LEPR: variants seen among roughly 807,000 people sequenced by gnomAD.
LEPR encodes leptin receptor, also known as OB receptor.
A neutral mutation model predicts 114.7 loss-of-function variants in LEPR; 56 were observed. That is an observed-to-expected ratio of 0.49 (90% CI 0.39 to 0.61). The LOEUF (loss-of-function observed/expected upper bound fraction) is 0.61. Ranked by LOEUF, LEPR falls within the 20% of genes least tolerant of loss-of-function variation. The probability of loss-of-function intolerance (pLI) is 0.00; values close to 1 mark genes in which losing one functional copy is unlikely to be tolerated. For missense variants in LEPR, 1,202 were observed against 1,352.9 expected, an observed-to-expected ratio of 0.89 and a Z score of 1.75; for synonymous variants, 443 against 461.4, an observed-to-expected ratio of 0.96 and a Z score of 0.51.
rs148894127 is a variant in LEPR at position 65,456,207 on chromosome 1, G to T, written c.-21+30829G>T. Among the ~76,000 whole-genome samples the T allele has an allele frequency of 5.4e-3, 819 of 152,092 alleles. 12 individuals carry two copies. The highest frequency in any genetic ancestry group is 0.019 in the African/African-American group (790 of 41,490). On this transcript the variant is annotated intron_variant, in intron 2 of 19. Transcript: ENST00000349533. ...TGGCACTCCCTAGTGAGATGAACCT[G>T]GTACCTCAGATGGAAATGCAGAAAT...
chr1:65,450,749 G>C (rs1356760340), intron 2 of LEPR, among the ~76,000 whole-genome samples: 9 of 150,128 alleles, frequency 6.0e-5, no homozygotes, highest in Non-Finnish European at 1.2e-4. Flanking sequence ...GTGTGCATGT[G>C]TCTTTATAGC....
intron 2 of LEPR, among the ~76,000 whole-genome samples, chr1:65,512,806 A>G (rs967292177): frequency 7.2e-5 from 11 of 152,226 alleles, no homozygotes; most frequent in Admixed American, 6.5e-4. Context: ...CTGAGTTTCT[A>G]TCATCTAGTA....
intron 2 of LEPR, among the ~76,000 whole-genome samples, chr1:65,455,156 G>A (rs935878447): frequency 3.5e-4 from 53 of 152,174 alleles, no homozygotes; most frequent in African/African-American, 1.2e-3. Flanking sequence ...GCACTTCTCT[G>A]TATTGGTTAT....
chr1:65,525,553 G>T (rs1267805562), intron 2 of LEPR: 26 of 876,488 alleles, frequency 3.0e-5, no homozygotes, highest in Non-Finnish European at 3.6e-5. Context: ...GCTCAGGGGC[G>T]GCTGCGGAGG....
intron 2 of LEPR, among the ~76,000 whole-genome samples, chr1:65,473,870 G>A (rs1004112504): frequency 2.0e-5 from 3 of 152,140 alleles, no homozygotes; most frequent in African/African-American, 7.2e-5. Context: ...TAGAATGTTA[G>A]CTATAATTAT....
chr1:65,574,021 A>G (rs1011322876), intron 5 of LEPR, among the ~76,000 whole-genome samples: 1 of 152,148 alleles, frequency 6.6e-6, no homozygotes, highest in Non-Finnish European at 1.5e-5. Context: ...AGCAGTTGGG[A>G]CCTGTATGTA....
intron 5 of LEPR, among the ~76,000 whole-genome samples, chr1:65,588,556 A>G (rs1468723929): frequency 6.6e-6 from 1 of 151,930 alleles, no homozygotes; most frequent in Non-Finnish European, 1.5e-5. Flanking sequence ...CTCCTTTGTA[A>G]TCCCACCCTC....
At chr1:65,621,892 G>A (rs1657907387) in intron 18 of LEPR, among the ~76,000 whole-genome samples, 1 of 152,074 alleles carries the variant, frequency 6.6e-6, no homozygotes, top group Admixed American at 6.5e-5. Flanking sequence ...GTTATCTTGG[G>A]GCTGACATCT....
At chr1:65,509,879 A>C (rs1395934734) in intron 2 of LEPR, among the ~76,000 whole-genome samples, 3 of 152,234 alleles carry the variant, frequency 2.0e-5, no homozygotes, top group Admixed American at 2.0e-4. Flanking sequence ...TAGCTTGGTC[A>C]TAAAGAGGAG....
chr1:65,629,448 A>G, intron 19 of LEPR: 1 of 365,294 alleles, frequency 2.7e-6, no homozygotes, highest in Non-Finnish European at 5.3e-6. Context: ...GACTTACTGA[A>G]CCAAGTATTT....
rs147041548 is a variant in LEPR at position 65,449,947 on chromosome 1, T to C, written c.-21+24569T>C. On this transcript the variant is annotated intron_variant, in intron 2 of 19. Transcript: ENST00000349533. ...ACTGTATCCCACAAATTTTGAAAAG[T>C]CATGCTTTTATTTTCATTTAGTTAA... Among the ~76,000 whole-genome samples, 762 of 152,262 alleles carry C rather than the reference T, an allele frequency of 5.0e-3. 8 individuals are homozygous for C. Among genetic ancestry groups the C allele is most frequent in the African/African-American group, 0.018 (734 of 41,566 alleles).
chr1:65,518,957 CTTT>C (rs1479185253), intron 2 of LEPR, among the ~76,000 whole-genome samples: 17 of 134,178 alleles, frequency 1.3e-4, no homozygotes, highest in African/African-American at 4.7e-4. Context: ...CTTCTTTCTT[CTTT>C]TTCTTTTCTT....
chr1:65,422,124 C>T, intron 1 of LEPR, among the ~76,000 whole-genome samples: 1 of 152,036 alleles, frequency 6.6e-6, no homozygotes, highest in Non-Finnish European at 1.5e-5. Context: ...TTCCCTGGTA[C>T]CTGTGAATGT....
chr1:65,568,826 A>C (rs957265354), intron 3 of LEPR, among the ~76,000 whole-genome samples: 20 of 152,118 alleles, frequency 1.3e-4, no homozygotes, highest in Admixed American at 7.2e-4. Flanking sequence ...CTGCATCCTC[A>C]CCAACATCTA....
chr1:65,453,246 A>C (rs970057856), intron 2 of LEPR, among the ~76,000 whole-genome samples: 41 of 151,858 alleles, frequency 2.7e-4, no homozygotes, highest in African/African-American at 8.2e-4. Context: ...GGATTCATTA[A>C]TTTTTTGAAG....
intron 1 of LEPR, chr1:65,421,243 A>G (rs1007879156): frequency 4.3e-6 from 6 of 1,383,620 alleles, no homozygotes; most frequent in Admixed American, 2.8e-5. Context: ...GCACCCAGAA[A>G]GACGGTGTTT....
intron 2 of LEPR, among the ~76,000 whole-genome samples, chr1:65,491,160 C>A (rs1209660096): frequency 6.6e-6 from 1 of 152,074 alleles, no homozygotes; most frequent in Non-Finnish European, 1.5e-5. Context: ...CTTACTACAC[C>A]CTAACAAAGT....
At chr1:65,543,524 T>C (rs1016162046) in intron 2 of LEPR, among the ~76,000 whole-genome samples, 2 of 152,086 alleles carry the variant, frequency 1.3e-5, no homozygotes, top group African/African-American at 4.8e-5. Context: ...TTTGATGTTT[T>C]AGTCATGAAG....
chr1:65,588,372 T>C (rs1655462618), intron 5 of LEPR, among the ~76,000 whole-genome samples: 1 of 151,908 alleles, frequency 6.6e-6, no homozygotes, highest in Non-Finnish European at 1.5e-5. Flanking sequence ...CTTACAAAAA[T>C]TTCCTGGATT....
Sources: gnomAD v4.1 joint callset for allele counts (sites outside exome capture counted in the v4.1 genomes callset) on GRCh38, gnomAD v4.1.1 for gene constraint, MANE v1.5 for transcripts, NCBI Gene and HGNC (gene_info 2026-07-23, HGNC 2026-07-21) for gene names.